Variants in TASOR observed in about 807,000 individuals in gnomAD.
TASOR encodes the protein protein TASOR.
In TASOR, 53 loss-of-function variants were observed where a neutral mutation model predicts 178.6. The observed-to-expected ratio is 0.30, with a 90% CI of 0.24 to 0.37. TASOR has a LOEUF of 0.37. Among genes scored for constraint, TASOR ranks in the 10% least tolerant of loss-of-function variants. TASOR has a pLI of 1.00. For synonymous variants in TASOR, 713 were observed against 696.2 expected (o/e 1.02, Z -0.38); for missense variants, 1,815 against 1,971.4 (o/e 0.92, Z 1.50).
chr3:56,648,071 T>G lies in TASOR; in HGVS notation c.1513+751A>C, dbSNP rs922943641. ...AAAATTTAAACTTAGCTAGCTGTGC[T>G]GGCGCACGCCTGTAATCCCAAGCTA... On this transcript the variant is annotated intron_variant, in intron 13 of 23. Transcript: ENST00000683822. 4.6e-5 allele frequency among the ~76,000 whole-genome samples: 7 copies of G among 152,204 alleles called. 1 individual carries two copies. The highest frequency in any genetic ancestry group is 1.3e-4 in the Admixed American group (2 of 15,276).
intron 11 of TASOR, among the ~76,000 whole-genome samples, chr3:56,656,831 G>C (rs1403419865): frequency 2.0e-5 from 3 of 151,450 alleles, no homozygotes; most frequent in Non-Finnish European, 4.4e-5. Context: ...CCAACATGGA[G>C]GAAGTCCCAT....
In TASOR at chr3:56,647,156, T is replaced by A; in HGVS notation, c.1581A>T (p.Ile527=). The A allele has an allele frequency of 6.2e-7, 1 of 1,601,270 alleles. No individual in the cohort carries two copies. Among genetic ancestry groups the A allele is most frequent in the Non-Finnish European group, 8.5e-7 (1 of 1,176,848 alleles). ...TCAAAGAAAATTGTAAAAACTGAGCTATTTTTAATACATCTGGCATGCTCT... is the reference window on the plus strand; with the variant it reads ...TCAAAGAAAATTGTAAAAACTGAGCAATTTTTAATACATCTGGCATGCTCT... ...RHESMPDVLK[I]AQFLQFSLIQ... Residue 527 remains isoleucine (I), a synonymous_variant, in exon 14 of 24, where the codon ATA becomes ATT. Coordinates refer to ENST00000683822, the MANE Select transcript of TASOR (RefSeq NM_001365635.2).
At chr3:56,675,009 T>C (rs978143872) in intron 1 of TASOR, among the ~76,000 whole-genome samples, 3 of 152,072 alleles carry the variant, frequency 2.0e-5, no homozygotes, top group African/African-American at 4.8e-5. Flanking sequence ...GTGTTTTTAG[T>C]AGAGACGGGG....
Position 56,661,127 on chromosome 3 carries a change from C to A in TASOR, c.1161-110G>T, listed in dbSNP as rs1361119781. 9 of 659,790 alleles carry A rather than the reference C, an allele frequency of 1.4e-5. No homozygotes were observed. The African/African-American group carries it at 1.5e-4, about 11-fold the overall frequency. The allele number at this position is 659,790 out of a possible 1,614,324, so 40.9% of individuals were successfully genotyped here. ...GATGGAAAATAGAAGAGCATATCTACGAATATCTCACCTTATTCTAAAGAT... is the reference window on the plus strand; with the variant it reads ...GATGGAAAATAGAAGAGCATATCTAAGAATATCTCACCTTATTCTAAAGAT... On this transcript the variant is annotated intron_variant, in intron 9 of 23. Transcript: ENST00000683822.
At chr3:56,654,762 T>C (rs1445823812) in intron 11 of TASOR, among the ~76,000 whole-genome samples, 1 of 152,196 alleles carries the variant, frequency 6.6e-6, no homozygotes, top group Non-Finnish European at 1.5e-5. Context: ...TGTCAACTGT[T>C]CCCTGCCTTC....
At chr3:56,664,043 A>G (rs1328971609) in intron 7 of TASOR, 3 of 174,596 alleles carry the variant, frequency 1.7e-5, no homozygotes, top group Non-Finnish European at 3.4e-5. Flanking sequence ...AAACAATGAT[A>G]TATAACAGAT....
intron 23 of TASOR, chr3:56,623,863 C>T: frequency 6.5e-7 from 1 of 1,536,118 alleles, no homozygotes; most frequent in Non-Finnish European, 8.8e-7. Context: ...TACGGTAATT[C>T]AGTATTTGAC....
At position 56,638,782 on chromosome 3, in the gene TASOR, A is replaced by AT. The variant is rs756532228; in HGVS notation, c.2765-18dup. 1.2e-6 allele frequency: 2 copies of AT among 1,613,790 alleles called. No individual in the cohort carries two copies. The highest frequency in any genetic ancestry group is 1.1e-5 in the South Asian group (1 of 91,072). On this transcript the variant is annotated splice_polypyrimidine_tract_variant and intron_variant, in intron 16 of 23. Coordinates refer to ENST00000683822, the MANE Select transcript of TASOR (RefSeq NM_001365635.2). Reference sequence around the variant, plus strand: ...CATTCCCTCCTGAGGGAAAGCATCCATTAGACTCTCTTCAGACATTAGTGA... The same window carrying AT: ...CATTCCCTCCTGAGGGAAAGCATCCATTTAGACTCTCTTCAGACATTAGTGA...
At position 56,620,474 on chromosome 3, in the gene TASOR, G is replaced by C. The variant is rs12833; in HGVS notation, c.*2563C>G. 1 of 152,380 alleles carries C rather than the reference G, an allele frequency of 6.6e-6. No individual in the cohort carries two copies. Among genetic ancestry groups the C allele is most frequent in the Non-Finnish European group, 1.5e-5 (1 of 68,176 alleles). 9.4% of individuals were successfully genotyped at this position (152,380 alleles called of 1,614,324 possible). A position where few individuals can be genotyped will look rare whatever the true frequency, so the allele number is the denominator to read the frequency against. Reference sequence around the variant, plus strand: ...GCTTTAAAAAGAATGGCTGTAGTTAGTTTTGATTCACTATATACTCTCTGT... The same window carrying C: ...GCTTTAAAAAGAATGGCTGTAGTTACTTTTGATTCACTATATACTCTCTGT... On this transcript the variant is annotated 3_prime_UTR_variant, in exon 24 of 24. Transcript: ENST00000683822.
At chr3:56,632,327 T>G (rs2076934010) in intron 18 of TASOR, among the ~76,000 whole-genome samples, 1 of 151,798 alleles carries the variant, frequency 6.6e-6, no homozygotes, top group African/African-American at 2.4e-5. Flanking sequence ...AAAAAAAAAT[T>G]AGCCAGGCAT....
At position 56,623,088 on chromosome 3, in the gene TASOR, G is replaced by A; in HGVS notation, c.4962C>T (p.Pro1654=). Reference sequence around the variant, plus strand: ...AAGAATCACTTTTCCCCCAACTTAAGGGAGGTGGAGATTTATCTCTATCCA... The same window carrying A: ...AAGAATCACTTTTCCCCCAACTTAAAGGAGGTGGAGATTTATCTCTATCCA... ...ESLDRDKSPP[P]LSWGKSDSSR... The change falls in exon 24 of 24, where the codon CCC becomes CCT. Residue 1654 remains proline (P), a synonymous_variant. Coordinates refer to ENST00000683822, the MANE Select transcript of TASOR (RefSeq NM_001365635.2). 6.2e-7 allele frequency: 1 copy of A among 1,607,778 alleles called. No homozygotes were observed. The highest frequency in any genetic ancestry group is 8.5e-7 in the Non-Finnish European group (1 of 1,177,694).
rs370427287 is a variant in TASOR at position 56,621,159 on chromosome 3, C to CAAAAAA, written c.*1872_*1877dup. ...GGGCGACAGAGCGAGACTCCATCTC[C>CAAAAAA]AAAAAAAAACAAAACAACAACAACA... On this transcript the variant is annotated 3_prime_UTR_variant, in exon 24 of 24. Coordinates refer to ENST00000683822, the MANE Select transcript of TASOR (RefSeq NM_001365635.2). The CAAAAAA allele has an allele frequency of 1.4e-4, 20 of 142,640 alleles. No homozygotes were observed. Among genetic ancestry groups the CAAAAAA allele is most frequent in the South Asian group, 2.3e-4 (1 of 4,382 alleles). 8.8% of individuals were successfully genotyped at this position (142,640 alleles called of 1,614,324 possible).
intron 18 of TASOR, chr3:56,628,868 C>A: frequency 3.9e-6 from 1 of 257,556 alleles, no homozygotes; most frequent in Non-Finnish European, 7.3e-6. Flanking sequence ...TCAAGCCACC[C>A]TCCCACCTCA....
At chr3:56,626,391 ATAAAG>A (rs1162625011) in intron 21 of TASOR, among the ~76,000 whole-genome samples, 1 of 152,190 alleles carries the variant, frequency 6.6e-6, no homozygotes, top group East Asian at 1.9e-4. Flanking sequence ...TTAGCTACCT[ATAAAG>A]TAGTCAGTTG....
chr3:56,641,535 T>A lies in TASOR; in HGVS notation c.2433A>T (p.Lys811Asn). The A allele has an allele frequency of 1.2e-6, 2 of 1,614,182 alleles. No homozygotes were observed. The highest frequency in any genetic ancestry group is 1.7e-6 in the Non-Finnish European group (2 of 1,179,986). The change falls in exon 15 of 24, where the codon AAA becomes AAT. Residue 811 changes from lysine (K) to asparagine (N), a missense_variant. Coordinates refer to ENST00000683822, the MANE Select transcript of TASOR (RefSeq NM_001365635.2). ...GGGTAGAGTTCAACTCATACTCATG[T>A]TTTTGCCTCAGCTCTTCATAGGCAT... is the stretch of plus-strand genomic sequence containing the variant. ...TDDAYEELRQ[K>N]HEYELNSTPD...
chr3:56,668,354 A>T (rs1291653345), intron 6 of TASOR, 43 bp downstream of exon 6: 1 of 1,531,944 alleles, frequency 6.5e-7, no homozygotes, highest in Admixed American at 2.1e-5. Context: ...TTGGTAACAA[A>T]CAGGTATGAG....
chr3:56,632,301 C>T (rs377067263), intron 18 of TASOR, among the ~76,000 whole-genome samples: 1 of 151,808 alleles, frequency 6.6e-6, no homozygotes, highest in African/African-American at 2.4e-5. Context: ...TGAAACCCCA[C>T]CTCTACTAAA....
chr3:56,644,311 T>G (rs751311995), intron 14 of TASOR, among the ~76,000 whole-genome samples: 3 of 150,232 alleles, frequency 2.0e-5, no homozygotes, highest in Non-Finnish European at 4.4e-5. Flanking sequence ...AACAGAGCTC[T>G]CAAGACATGT....
intron 13 of TASOR, among the ~76,000 whole-genome samples, chr3:56,648,206 C>T (rs2077276043): frequency 6.6e-6 from 1 of 151,950 alleles, no homozygotes; most frequent in African/African-American, 2.4e-5. Context: ...GACTCTATCT[C>T]CAACAGAGTG....
Sources: gnomAD v4.1 joint callset for allele counts (sites outside exome capture counted in the v4.1 genomes callset) on GRCh38, gnomAD v4.1.1 for gene constraint, MANE v1.5 for transcripts, NCBI Gene and HGNC (gene_info 2026-07-23, HGNC 2026-07-21) for gene names.